The following CHRNA6 variants were observed in gnomAD, a reference collection of about 807,000 sequenced individuals.
CHRNA6 encodes the protein cholinergic receptor nicotinic alpha 6 subunit, also known as neuronal acetylcholine receptor subunit alpha-6.
In CHRNA6, 31 loss-of-function variants were observed where a neutral mutation model predicts 40.9. The ratio of observed to expected loss-of-function variants is 0.76; its 90% CI spans 0.57 to 1.02. The LOEUF is 1.02. Ranked by LOEUF, CHRNA6 falls within the 50% of genes least tolerant of loss-of-function variation. The probability of loss-of-function intolerance (pLI) is 0.00; values close to 1 mark genes in which losing one functional copy is unlikely to be tolerated. For missense variants in CHRNA6, 546 were observed against 596.6 expected (o/e 0.92, Z 0.88); for synonymous variants, 222 against 221.3 (o/e 1.00, Z -0.03).
chr8:42,764,913 T>C (rs1816951583), intron 2 of CHRNA6, 152 bp downstream of exon 2: 1 of 739,444 alleles, frequency 1.4e-6, no homozygotes, highest in East Asian at 2.7e-5. Flanking sequence ...AGTTACAGCA[T>C]TGGTGGGAAA....
At position 42,756,704 on chromosome 8, in the gene CHRNA6, GA is replaced by G. The variant is rs774808608; in HGVS notation, c.494del (p.Phe165SerfsTer10). On this transcript the variant is annotated frameshift_variant, in exon 5 of 6. Transcript: ENST00000276410. LOFTEE classifies it high-confidence loss of function. ...GGGAACAGTTTTGATGATCAAAAGG[GA>G]AAAAGGTGATATCCATAGGGCAGGA... Reference protein sequence around the residue: ...KSSCPMDITFFPFDHQNCSLK... With the variant: ...KSSCPMDITFXPFDHQNCSLK... The G allele has an allele frequency of 6.2e-7, 1 of 1,613,952 alleles. No homozygotes were observed. Among genetic ancestry groups the G allele is most frequent in the Non-Finnish European group, 8.5e-7 (1 of 1,180,024 alleles).
At chr8:42,755,593 A>C (rs1816785791) in intron 5 of CHRNA6, among the ~76,000 whole-genome samples, 1 of 152,144 alleles carries the variant, frequency 6.6e-6, no homozygotes, top group Non-Finnish European at 1.5e-5. Context: ...GTTCATTTTA[A>C]GCAAATTTTA....
chr8:42,764,917 T>A, intron 2 of CHRNA6, 148 bp downstream of exon 2: 1 of 775,180 alleles, frequency 1.3e-6, no homozygotes, highest in Admixed American at 2.7e-5. Flanking sequence ...ACAGCATTGG[T>A]GGGAAAACTG....
At chr8:42,765,558 C>A (rs1259336588) in intron 1 of CHRNA6, among the ~76,000 whole-genome samples, 1 of 152,216 alleles carries the variant, frequency 6.6e-6, no homozygotes, top group Non-Finnish European at 1.5e-5. Context: ...AAGTAACTCG[C>A]AGTCTTACTG....
At chr8:42,758,851 G>A (rs532905956) in intron 3 of CHRNA6, among the ~76,000 whole-genome samples, 1 of 152,290 alleles carries the variant, frequency 6.6e-6, no homozygotes, top group African/African-American at 2.4e-5. Context: ...AACCAGGAAG[G>A]ATGGAAACCT....
At chr8:42,760,255 TCA>T (rs760745699) in intron 2 of CHRNA6, among the ~76,000 whole-genome samples, 8 of 148,068 alleles carry the variant, frequency 5.4e-5, no homozygotes, top group Admixed American at 2.7e-4. Context: ...TCATGCACAC[TCA>T]CACACTCATG....
intron 1 of CHRNA6, among the ~76,000 whole-genome samples, 175 bp from the exon 2 acceptor site, chr8:42,765,379 G>A (rs989034302): frequency 5.9e-5 from 9 of 152,190 alleles, no homozygotes; most frequent in African/African-American, 1.9e-4. Context: ...CCCACCCTCT[G>A]TGCCTCAGCT....
rs745889046 is a variant in CHRNA6, at chr8:42,755,968, ATCT to A, written c.1228_1230del (p.Arg410del). 4 of 1,614,258 alleles carry A rather than the reference ATCT, an allele frequency of 2.5e-6. No homozygotes were observed. The highest frequency in any genetic ancestry group is 3.4e-6 in the Non-Finnish European group (4 of 1,180,044). ...ACCCACTGTAATGGCTGATGACTTA[ATCT>A]TCTCTTGCTTGTGGCAAGCTCATTT... On this transcript the variant is annotated inframe_deletion, in exon 5 of 6. Coordinates refer to ENST00000276410, the MANE Select transcript of CHRNA6 (RefSeq NM_004198.3).
chr8:42,755,248 C>T (rs1816778750), intron 5 of CHRNA6, among the ~76,000 whole-genome samples: 1 of 143,394 alleles, frequency 7.0e-6, no homozygotes, highest in South Asian at 2.2e-4. Context: ...CTCTTAGTTT[C>T]ATTAACTGAG....
At chr8:42,767,355 CTT>C (rs1816990198) in intron 1 of CHRNA6, among the ~76,000 whole-genome samples, 1 of 152,190 alleles carries the variant, frequency 6.6e-6, no homozygotes, top group African/African-American at 2.4e-5. Flanking sequence ...ATGCATATCT[CTT>C]TGTATTTTTC....
At position 42,755,908 on chromosome 8, in the gene CHRNA6, C is replaced by A. The variant is rs757706465; in HGVS notation, c.1291G>T (p.Asp431Tyr). The change falls in exon 5 of 6, where the codon GAT (aspartate) becomes TAT (tyrosine). Residue 431 changes from aspartate to tyrosine, a missense_variant. This residue lies in a region of CHRNA6 where 65 missense variants were observed against 83.8 expected (regional missense o/e 0.78). Transcript: ENST00000276410. ...ATGAACTGAACACTGTTAATCACAT[C>A]TTCAACTTCAGGCGAGTGCTCCGAA... ...ENSEHSPEVE[D>Y]VINSVQFIAE... 6.2e-7 allele frequency: 1 copy of A among 1,614,260 alleles called. No individual in the cohort carries two copies. Among genetic ancestry groups the A allele is most frequent in the South Asian group, 1.1e-5 (1 of 91,086 alleles).
intron 2 of CHRNA6, among the ~76,000 whole-genome samples, chr8:42,761,306 ACAAGCCTGCGGT>A (rs1184591975): frequency 6.6e-6 from 1 of 152,218 alleles, no homozygotes; most frequent in African/African-American, 2.4e-5. Context: ...TTACGATTAC[ACAAGCCTGCGGT>A]CATGCCTTCT....
intron 5 of CHRNA6, 25 bp downstream of exon 5, chr8:42,755,821 C>T: frequency 6.3e-7 from 1 of 1,596,608 alleles, no homozygotes; most frequent in Non-Finnish European, 8.5e-7. Flanking sequence ...TGCAAGCTGG[C>T]TGGGTGGAGG....
At chr8:42,757,568 C>CAA (rs1554594122) in intron 3 of CHRNA6, among the ~76,000 whole-genome samples, 11 of 115,192 alleles carry the variant, frequency 9.5e-5, no homozygotes, top group Admixed American at 2.7e-4. Flanking sequence ...ACTAAAAATA[C>CAA]AAAAAAAAAA....
At chr8:42,753,825 C>T (rs890937556) in intron 5 of CHRNA6, among the ~76,000 whole-genome samples, 3 of 152,140 alleles carry the variant, frequency 2.0e-5, no homozygotes, top group Non-Finnish European at 4.4e-5. Context: ...GCGGCAAAGC[C>T]CTGACTCCGT....
In CHRNA6 at chr8:42,765,085, T is replaced by G. The variant is rs758160316; in HGVS notation, c.199A>C (p.Ile67Leu). The change falls in exon 2 of 6, where the codon ATC becomes CTC. Residue 67 changes from isoleucine to leucine, a missense_variant. Physicochemically the swap from Ile to Leu is conservative, Grantham distance 5. Around this residue, in one of 3 missense-constraint regions of CHRNA6, gnomAD observed 476 missense variants for 494.5 expected, o/e 0.96. Coordinates refer to ENST00000276410, the MANE Select transcript of CHRNA6 (RefSeq NM_004198.3). ...CTCACCACGTTGGCCAGCTGGGTGATGGCCACTTCAAAGTGTACCGTGACA... is the reference window on the plus strand; with the variant it reads ...CTCACCACGTTGGCCAGCTGGGTGAGGGCCACTTCAAAGTGTACCGTGACA... ...DPVTVHFEVA[I>L]TQLANVDEVN... 6.2e-7 allele frequency: 1 copy of G among 1,614,162 alleles called. No homozygotes were observed. The highest frequency in any genetic ancestry group is 1.3e-5 in the African/African-American group (1 of 75,050).
At chr8:42,759,467 T>C (rs1285486971) in intron 2 of CHRNA6, 1 of 232,196 alleles carries the variant, frequency 4.3e-6, no homozygotes, top group African/African-American at 2.2e-5. Context: ...AGGGAGATGC[T>C]GCAGAAAGTG....
chr8:42,766,333 A>T (rs903542348), intron 1 of CHRNA6, among the ~76,000 whole-genome samples: 3 of 152,126 alleles, frequency 2.0e-5, no homozygotes, highest in African/African-American at 7.2e-5. Flanking sequence ...CCTACCAAAA[A>T]TACAAAAACT....
chr8:42,766,752 A>G (rs73633798), intron 1 of CHRNA6, among the ~76,000 whole-genome samples: 3,996 of 152,206 alleles, frequency 0.026, 85 homozygotes, highest in African/African-American at 0.054. Context: ...GGTCCAGGGA[A>G]GAAGAGCATT....
Sources: allele counts gnomAD v4.1 joint callset (sites outside exome capture counted in the v4.1 genomes callset), GRCh38; gene constraint gnomAD v4.1.1; regional missense constraint gnomAD v4.1.1; transcripts MANE v1.5; gene names NCBI Gene and HGNC (gene_info 2026-07-23, HGNC 2026-07-21).